Variants in ANKS1B observed in about 807,000 individuals in gnomAD.
ANKS1B encodes the protein ankyrin repeat and sterile alpha motif domain-containing protein 1B.
ANKS1B carries 36 observed loss-of-function variants against 148.3 expected under a neutral mutation model. The ratio of observed to expected loss-of-function variants is 0.24; its 90% CI spans 0.19 to 0.32. The LOEUF (loss-of-function observed/expected upper bound fraction) is 0.32. ANKS1B is among the 10% of genes least tolerant of loss of function. ANKS1B has a pLI of 1.00. For missense variants in ANKS1B, 1,157 were observed against 1,542.6 expected, an observed-to-expected ratio of 0.75 and a Z score of 4.19; for synonymous variants, 542 against 560.8, an observed-to-expected ratio of 0.97 and a Z score of 0.47.
chr12:99,648,025 TTC>T, intron 9 of ANKS1B: 1 of 1,091,230 alleles, frequency 9.2e-7, no homozygotes, highest in Non-Finnish European at 1.3e-6. Flanking sequence ...ACCCTCCCTG[TTC>T]TCAGTCACTT....
chr12:99,131,273 C>T (rs2066008414), intron 15 of ANKS1B, among the ~76,000 whole-genome samples: 1 of 152,218 alleles, frequency 6.6e-6, no homozygotes, highest in Non-Finnish European at 1.5e-5. Context: ...TCATGAGTCT[C>T]TTTAGTTTTG....
chr12:99,874,491 T>A lies in ANKS1B; in HGVS notation c.135-49102A>T, dbSNP rs557996873. ...TTGACTGCTGTCAAGATATTTTGGA[T>A]TCCAGATTCTGTCATTTCAATACAT... is the stretch of plus-strand genomic sequence containing the variant. On this transcript the variant is annotated intron_variant, in intron 1 of 26. Transcript: ENST00000683438. Among the ~76,000 whole-genome samples the A allele has an allele frequency of 2.0e-5, 3 of 152,298 alleles. No individual in the cohort carries two copies. In the South Asian group the frequency reaches 6.2e-4, roughly 32 times the overall value.
chr12:99,104,615 A>G (rs1316323493), intron 15 of ANKS1B: 1 of 152,236 alleles, frequency 6.6e-6, no homozygotes, highest in African/African-American at 2.4e-5. Flanking sequence ...GGTTAGGCAA[A>G]TAGTGGATGC....
At chr12:98,845,214 T>C (rs142218143) in intron 17 of ANKS1B, among the ~76,000 whole-genome samples, 85 of 152,366 alleles carry the variant, frequency 5.6e-4, no homozygotes, top group African/African-American at 1.9e-3. Flanking sequence ...ACCTTAACTT[T>C]AGAAATGAAT....
At chr12:99,312,551 A>G (rs1382001028) in intron 12 of ANKS1B, among the ~76,000 whole-genome samples, 2 of 152,284 alleles carry the variant, frequency 1.3e-5, no homozygotes, top group Admixed American at 6.5e-5. Context: ...GACCAAGTAT[A>G]TATTCCTAAA....
At chr12:99,303,080 CA>C (rs571047085) in intron 12 of ANKS1B, among the ~76,000 whole-genome samples, 85 of 152,136 alleles carry the variant, frequency 5.6e-4, no homozygotes, top group African/African-American at 1.8e-3. Flanking sequence ...CACATCTGAA[CA>C]AAAGGCACAT....
At chr12:99,936,524 T>C (rs551475159) in intron 1 of ANKS1B, among the ~76,000 whole-genome samples, 46 of 152,278 alleles carry the variant, frequency 3.0e-4, no homozygotes, top group African/African-American at 1.1e-3. Flanking sequence ...AAACCTCCCA[T>C]ATTTGGTAAC....
chr12:99,663,641 G>A (rs1482119591), intron 8 of ANKS1B, among the ~76,000 whole-genome samples: 1 of 151,992 alleles, frequency 6.6e-6, no homozygotes, highest in African/African-American at 2.4e-5. Flanking sequence ...AGTACACTGA[G>A]TACATCTCCT....
intron 12 of ANKS1B, among the ~76,000 whole-genome samples, chr12:99,316,726 A>G (rs1439935480): frequency 1.3e-5 from 2 of 152,070 alleles, no homozygotes; most frequent in East Asian, 3.9e-4. Context: ...TTGGTGTTTT[A>G]GTCATGAAGT....
At chr12:99,967,602 T>C (rs1007412771) in intron 1 of ANKS1B, among the ~76,000 whole-genome samples, 5 of 151,990 alleles carry the variant, frequency 3.3e-5, no homozygotes, top group Non-Finnish European at 5.9e-5. Context: ...TCTTTCACTA[T>C]GTAATTTACT....
chr12:98,757,415 G>A (rs764569366), intron 25 of ANKS1B, among the ~76,000 whole-genome samples: 1 of 152,178 alleles, frequency 6.6e-6, no homozygotes, highest in Admixed American at 6.5e-5. Flanking sequence ...GGTTTATTAC[G>A]CAGCAAGAGA....
At chr12:98,808,680 A>G (rs1473611893) in intron 19 of ANKS1B, among the ~76,000 whole-genome samples, 1 of 152,226 alleles carries the variant, frequency 6.6e-6, no homozygotes, top group African/African-American at 2.4e-5. Flanking sequence ...AGAACCAAAC[A>G]CTAAACTAAC....
chr12:99,831,751 G>A (rs1447003958), intron 1 of ANKS1B, among the ~76,000 whole-genome samples: 2 of 151,828 alleles, frequency 1.3e-5, no homozygotes, highest in Non-Finnish European at 2.9e-5. Flanking sequence ...AACCTCCCTG[G>A]GAGGAGAAAG....
chr12:99,848,481 T>A (rs2087091406), intron 1 of ANKS1B, among the ~76,000 whole-genome samples: 1 of 152,120 alleles, frequency 6.6e-6, no homozygotes, highest in African/African-American at 2.4e-5. Context: ...GTACCATATA[T>A]CACGATAATG....
At chr12:99,041,756 T>G (rs2153493155) in intron 17 of ANKS1B, among the ~76,000 whole-genome samples, 1 of 152,276 alleles carries the variant, frequency 6.6e-6, no homozygotes, top group African/African-American at 2.4e-5. Flanking sequence ...ATCCCAGCAC[T>G]TTGGGATGCC....
At chr12:99,291,991 T>C (rs1028659153) in intron 12 of ANKS1B, among the ~76,000 whole-genome samples, 3 of 152,140 alleles carry the variant, frequency 2.0e-5, no homozygotes, top group Non-Finnish European at 4.4e-5. Context: ...CTTTACACCT[T>C]ATACAAAAAT....
chr12:99,874,417 C>T (rs1433527803), intron 1 of ANKS1B, among the ~76,000 whole-genome samples: 1 of 152,044 alleles, frequency 6.6e-6, no homozygotes, highest in African/African-American at 2.4e-5. Context: ...GCACATAATA[C>T]CTAACATTTT....
intron 1 of ANKS1B, among the ~76,000 whole-genome samples, chr12:99,913,320 C>T (rs564315953): frequency 3.3e-5 from 5 of 152,120 alleles, no homozygotes; most frequent in Admixed American, 1.3e-4. Flanking sequence ...GAAGTAGAAA[C>T]AGCATAATTT....
chr12:99,477,552 C>T (rs1043970495), intron 10 of ANKS1B, among the ~76,000 whole-genome samples: 2 of 152,100 alleles, frequency 1.3e-5, no homozygotes, highest in African/African-American at 4.8e-5. Context: ...TACTTAATTT[C>T]TCTATGTCTC....
Sources: allele counts gnomAD v4.1 joint callset (sites outside exome capture counted in the v4.1 genomes callset), GRCh38; gene constraint gnomAD v4.1.1; transcripts MANE v1.5; gene names NCBI Gene and HGNC (gene_info 2026-07-23, HGNC 2026-07-21).